ASIC2: variants seen among roughly 807,000 people sequenced by gnomAD.
ASIC2 encodes acid sensing ion channel subunit 2.
In ASIC2, 25 loss-of-function variants were observed where a neutral mutation model predicts 57.3. The observed-to-expected ratio is 0.44, with a 90% CI of 0.32 to 0.61. The LOEUF (loss-of-function observed/expected upper bound fraction) is 0.61, where lower values mean the gene tolerates loss of function less well. Ranked by LOEUF, ASIC2 falls within the 20% of genes least tolerant of loss-of-function variation. ASIC2 has a pLI of 0.06. For synonymous variants in ASIC2, 319 were observed against 307.5 expected (o/e 1.04, Z -0.39); for missense variants, 641 against 738.1 (o/e 0.87, Z 1.52).
intron 1 of ASIC2, among the ~76,000 whole-genome samples, chr17:33,835,029 C>G (rs981398595): frequency 6.6e-6 from 1 of 152,236 alleles, no homozygotes; most frequent in Non-Finnish European, 1.5e-5. Flanking sequence ...ATATGCCTAG[C>G]ACTGTGGGTG....
At chr17:33,780,707 C>T (rs996832163) in intron 1 of ASIC2, among the ~76,000 whole-genome samples, 7 of 152,168 alleles carry the variant, frequency 4.6e-5, no homozygotes, top group African/African-American at 7.2e-5. Flanking sequence ...TCCCCAGAAC[C>T]CAGGTACCAG....
intron 1 of ASIC2, among the ~76,000 whole-genome samples, chr17:34,016,355 C>T (rs1275381531): frequency 2.2e-5 from 3 of 133,898 alleles, no homozygotes; most frequent in South Asian, 2.5e-4. Context: ...ACCCGGGAGG[C>T]GGAGCTTGCA....
At chr17:33,435,287 C>A (rs1911568145) in intron 1 of ASIC2, among the ~76,000 whole-genome samples, 1 of 152,090 alleles carries the variant, frequency 6.6e-6, no homozygotes, top group Admixed American at 6.6e-5. Flanking sequence ...TGAGACATGG[C>A]AGATTTCAGG....
At chr17:34,118,392 G>A (rs1911492289) in intron 1 of ASIC2, 1 of 152,124 alleles carries the variant, frequency 6.6e-6, no homozygotes, top group Admixed American at 6.5e-5. Context: ...TGTGCTGGGA[G>A]TGGGGTTGGA....
At chr17:34,021,803 G>C (rs1325156502) in intron 1 of ASIC2, among the ~76,000 whole-genome samples, 3 of 150,972 alleles carry the variant, frequency 2.0e-5, no homozygotes, top group African/African-American at 4.9e-5. Context: ...GGAGCCAGGG[G>C]CTTTTTTTTG....
intron 1 of ASIC2, among the ~76,000 whole-genome samples, chr17:33,344,198 AGG>A (rs1436022552): frequency 6.6e-6 from 1 of 152,072 alleles, no homozygotes; most frequent in Admixed American, 6.5e-5. Context: ...TGCCCAATAC[AGG>A]GTGGATGCTC....
intron 1 of ASIC2, among the ~76,000 whole-genome samples, chr17:33,925,900 T>C (rs1190826530): frequency 6.6e-6 from 1 of 152,226 alleles, no homozygotes; most frequent in Non-Finnish European, 1.5e-5. Flanking sequence ...ATCTGAGCTA[T>C]AGCAATATTT....
intron 1 of ASIC2, among the ~76,000 whole-genome samples, chr17:33,943,215 G>T (rs1916229887): frequency 1.3e-5 from 2 of 152,186 alleles, no homozygotes; most frequent in South Asian, 4.1e-4. Context: ...TAGTCTATCT[G>T]TCTTTGCCCC....
intron 1 of ASIC2, among the ~76,000 whole-genome samples, chr17:33,387,587 T>A (rs1350259388): frequency 6.6e-6 from 1 of 152,230 alleles, no homozygotes; most frequent in Non-Finnish European, 1.5e-5. Flanking sequence ...CACTTTCCGC[T>A]GCCCCGAAAC....
At chr17:33,380,737 G>A (rs945610487) in intron 1 of ASIC2, among the ~76,000 whole-genome samples, 2 of 152,172 alleles carry the variant, frequency 1.3e-5, no homozygotes, top group African/African-American at 4.8e-5. Flanking sequence ...TTGAACTGCA[G>A]GAGGCCTGAG....
At chr17:33,265,658 G>A (rs1412241046) in intron 1 of ASIC2, among the ~76,000 whole-genome samples, 1 of 152,144 alleles carries the variant, frequency 6.6e-6, no homozygotes, top group East Asian at 1.9e-4. Flanking sequence ...ACCCTGGAAT[G>A]TAAAATAAAA....
chr17:34,113,495 T>C (rs985152889), intron 1 of ASIC2, among the ~76,000 whole-genome samples: 2 of 151,212 alleles, frequency 1.3e-5, no homozygotes, highest in African/African-American at 4.9e-5. Context: ...CAGGAAATCA[T>C]GGTTGCAGTG....
chr17:33,859,834 GT>G (rs1914059189), intron 1 of ASIC2, among the ~76,000 whole-genome samples: 1 of 152,156 alleles, frequency 6.6e-6, no homozygotes, highest in African/African-American at 2.4e-5. Context: ...ACAGGTGCAT[GT>G]GCTACCACAC....
intron 1 of ASIC2, among the ~76,000 whole-genome samples, chr17:33,908,655 A>G (rs1915399035): frequency 6.6e-6 from 1 of 152,308 alleles, no homozygotes; most frequent in East Asian, 1.9e-4. Context: ...CTGAGTTACT[A>G]TTACCACCCA....
chr17:33,919,592 C>A (rs1915666684), intron 1 of ASIC2, among the ~76,000 whole-genome samples: 1 of 152,076 alleles, frequency 6.6e-6, no homozygotes, highest in African/African-American at 2.4e-5. Context: ...TAGGAAATAC[C>A]ATTCTGGAAA....
At chr17:33,302,427 C>T (rs1020264233) in intron 1 of ASIC2, among the ~76,000 whole-genome samples, 6 of 152,170 alleles carry the variant, frequency 3.9e-5, no homozygotes, top group African/African-American at 1.4e-4. Flanking sequence ...AATCATGGCT[C>T]TCACCTGGCT....
chr17:33,885,002 C>T (rs1001545537), intron 1 of ASIC2, among the ~76,000 whole-genome samples: 1 of 152,170 alleles, frequency 6.6e-6, no homozygotes, highest in African/African-American at 2.4e-5. Context: ...GTGTTGCAGT[C>T]CCCAAATGAG....
chr17:33,695,450 T>A (rs1908495718), intron 1 of ASIC2, among the ~76,000 whole-genome samples: 1 of 152,182 alleles, frequency 6.6e-6, no homozygotes, highest in Non-Finnish European at 1.5e-5. Flanking sequence ...AAAAAATACA[T>A]ATGCATGCAT....
chr17:33,040,239 A>G (rs1389807551), intron 3 of ASIC2, among the ~76,000 whole-genome samples: 1 of 152,234 alleles, frequency 6.6e-6, no homozygotes, highest in East Asian at 1.9e-4. Flanking sequence ...CCTTTGCATC[A>G]GTCATGAAGA....
Sources: allele counts gnomAD v4.1 joint callset (sites outside exome capture counted in the v4.1 genomes callset), GRCh38; gene constraint gnomAD v4.1.1; transcripts MANE v1.5; gene names NCBI Gene and HGNC (gene_info 2026-07-23, HGNC 2026-07-21).